MNAT1: variants seen among roughly 807,000 people sequenced by gnomAD.
MNAT1 encodes MNAT1 component of CDK activating kinase.
In MNAT1, 43 loss-of-function variants were observed where a neutral mutation model predicts 42.0. The ratio of observed to expected loss-of-function variants is 1.02; its 90% CI spans 0.80 to 1.32. MNAT1 has a LOEUF of 1.32. MNAT1 is among the 40% of genes most tolerant of loss of function. The pLI is 0.00. For missense variants in MNAT1, 306 were observed against 350.4 expected, an observed-to-expected ratio of 0.87 and a Z score of 1.01; for synonymous variants, 118 against 120.0, an observed-to-expected ratio of 0.98 and a Z score of 0.11.
At chr14:60,878,731 A>C (rs187536454) in intron 6 of MNAT1, among the ~76,000 whole-genome samples, 61 of 152,086 alleles carry the variant, frequency 4.0e-4, no homozygotes, top group African/African-American at 1.4e-3. Flanking sequence ...GACTACTTCC[A>C]CCTCTTAGTA....
At chr14:60,859,511 A>G (rs897549154) in intron 6 of MNAT1, among the ~76,000 whole-genome samples, 1 of 152,200 alleles carries the variant, frequency 6.6e-6, no homozygotes. Flanking sequence ...AAATATGAAG[A>G]TGAAAAAAAT....
intron 7 of MNAT1, among the ~76,000 whole-genome samples, chr14:60,909,855 G>T (rs1458699843): frequency 6.6e-6 from 1 of 151,848 alleles, no homozygotes; most frequent in Non-Finnish European, 1.5e-5. Context: ...TTCCAATTCT[G>T]TGAAGAAAGT....
intron 1 of MNAT1, among the ~76,000 whole-genome samples, chr14:60,793,053 CT>C (rs979305669): frequency 3.2e-4 from 48 of 151,236 alleles, no homozygotes; most frequent in Admixed American, 7.9e-4. Flanking sequence ...GGGTCTTGCT[CT>C]GTCGCCCAGA....
chr14:60,832,011 T>G (rs1350695288), intron 6 of MNAT1, among the ~76,000 whole-genome samples: 1 of 152,242 alleles, frequency 6.6e-6, no homozygotes, highest in African/African-American at 2.4e-5. Context: ...CTTTGCCCAC[T>G]TTTTGATGGG....
chr14:60,846,263 C>T (rs1011886997), intron 6 of MNAT1, among the ~76,000 whole-genome samples: 4 of 152,022 alleles, frequency 2.6e-5, no homozygotes, highest in East Asian at 1.9e-4. Context: ...GTCAGGATCA[C>T]GTTCACTCTT....
At chr14:60,754,344 T>C (rs970865136) in intron 1 of MNAT1, among the ~76,000 whole-genome samples, 138 of 148,322 alleles carry the variant, frequency 9.3e-4, no homozygotes, top group Non-Finnish European at 1.4e-3. Flanking sequence ...ATTTCTTCTT[T>C]TTTTTTTTTT....
chr14:60,781,846 C>T (rs540317260), intron 1 of MNAT1, among the ~76,000 whole-genome samples: 1 of 151,768 alleles, frequency 6.6e-6, no homozygotes, highest in Non-Finnish European at 1.5e-5. Flanking sequence ...ATCTAGAAAG[C>T]ATTTATTTAG....
intron 7 of MNAT1, among the ~76,000 whole-genome samples, chr14:60,950,634 T>C (rs1385982070): frequency 6.6e-6 from 1 of 152,180 alleles, no homozygotes; most frequent in East Asian, 1.9e-4. Flanking sequence ...TCGTTAGTGT[T>C]AGTGTATTTT....
chr14:60,825,415 A>G (rs1405908934), intron 6 of MNAT1, among the ~76,000 whole-genome samples: 3 of 152,210 alleles, frequency 2.0e-5, no homozygotes, highest in Non-Finnish European at 4.4e-5. Flanking sequence ...AGAAAAATCA[A>G]TCCTGAATGA....
At chr14:60,939,912 G>C (rs930958227) in intron 7 of MNAT1, among the ~76,000 whole-genome samples, 2 of 152,106 alleles carry the variant, frequency 1.3e-5, no homozygotes, top group Non-Finnish European at 2.9e-5. Context: ...GAATCTGGGT[G>C]CTCCTGTATT....
chr14:60,764,835 T>C (rs1236849096), intron 1 of MNAT1, among the ~76,000 whole-genome samples: 3 of 152,022 alleles, frequency 2.0e-5, no homozygotes, highest in Non-Finnish European at 2.9e-5. Context: ...GAAGTGTAAG[T>C]AGGAGTAAGC....
rs187786102 is a variant in MNAT1, at chr14:60,855,234, C to T, written c.688-24480C>T. ...CAGCGAGAATTTCAAGCCAGTGGTT[C>T]TTAGCTTCCTAGGCTCTGTGGGAGT... On this transcript the variant is annotated intron_variant, in intron 6 of 7. Coordinates refer to ENST00000261245, the MANE Select transcript of MNAT1 (RefSeq NM_002431.4). Among the ~76,000 whole-genome samples, 9 of 152,254 alleles carry T rather than the reference C, an allele frequency of 5.9e-5. No individual in the cohort carries two copies. In the East Asian group the frequency reaches 1.5e-3, roughly 26 times the overall value.
In MNAT1 at chr14:60,808,362, C is replaced by G; in HGVS notation, c.354C>G (p.Thr118=). 6.3e-7 allele frequency: 1 copy of G among 1,578,900 alleles called. No individual in the cohort carries two copies. Among genetic ancestry groups the G allele is most frequent in the Non-Finnish European group, 8.6e-7 (1 of 1,166,392 alleles). Residue 118 remains threonine (T), a synonymous_variant, in exon 4 of 8, where the codon ACC becomes ACG. Transcript: ENST00000261245. ...NLTNNVDLDN[T]KKKMEIYQKE... Reference sequence around the variant, plus strand: ...CCAACAATGTGGATTTGGACAACACCAAAAAGAAAATGGAGATATACCAAA... The same window carrying G: ...CCAACAATGTGGATTTGGACAACACGAAAAAGAAAATGGAGATATACCAAA...
At chr14:60,961,039 C>T (rs1486324113) in intron 7 of MNAT1, among the ~76,000 whole-genome samples, 4 of 151,974 alleles carry the variant, frequency 2.6e-5, no homozygotes, top group South Asian at 2.1e-4. Context: ...CTCAGCTCAC[C>T]GCAACCTCTA....
chr14:60,761,303 A>G (rs1425239626), intron 1 of MNAT1, among the ~76,000 whole-genome samples: 1 of 152,180 alleles, frequency 6.6e-6, no homozygotes, highest in Non-Finnish European at 1.5e-5. Context: ...CAATCATTTG[A>G]TATTCACTTG....
chr14:60,941,548 G>C (rs1212178180), intron 7 of MNAT1, among the ~76,000 whole-genome samples: 1 of 151,896 alleles, frequency 6.6e-6, no homozygotes, highest in Non-Finnish European at 1.5e-5. Flanking sequence ...AAAATTTAAA[G>C]AACAAAACTT....
At chr14:60,831,954 T>G (rs932798968) in intron 6 of MNAT1, among the ~76,000 whole-genome samples, 1 of 152,242 alleles carries the variant, frequency 6.6e-6, no homozygotes, top group Non-Finnish European at 1.5e-5. Flanking sequence ...TTTCATGTGT[T>G]TGTTGGCTGC....
At chr14:60,843,495 C>T (rs1187444025) in intron 6 of MNAT1, among the ~76,000 whole-genome samples, 2 of 152,138 alleles carry the variant, frequency 1.3e-5, no homozygotes, top group African/African-American at 4.8e-5. Flanking sequence ...TGGTCTCAAT[C>T]TCCTGACCTC....
chr14:60,793,021 T>G (rs543724715), intron 1 of MNAT1, among the ~76,000 whole-genome samples: 1 of 151,908 alleles, frequency 6.6e-6, no homozygotes, highest in Non-Finnish European at 1.5e-5. Context: ...CTTCTTCTTC[T>G]TCTTTTTTTT....
Sources: allele counts gnomAD v4.1 joint callset (sites outside exome capture counted in the v4.1 genomes callset), GRCh38; gene constraint gnomAD v4.1.1; transcripts MANE v1.5; gene names NCBI Gene and HGNC (gene_info 2026-07-23, HGNC 2026-07-21).